WDR45: variants seen among roughly 807,000 people sequenced by gnomAD.
The protein encoded by WDR45 is WD repeat domain phosphoinositide-interacting protein 4.
WDR45 carries 2 observed loss-of-function variants against 27.3 expected under a neutral mutation model. That is an observed-to-expected ratio of 0.07 (90% confidence interval 0.03 to 0.23). WDR45 has a LOEUF of 0.23. Ranked by LOEUF, WDR45 falls within the 10% of genes least tolerant of loss-of-function variation. The pLI is 1.00. For missense variants in WDR45, 175 were observed against 311.9 expected (o/e 0.56, Z 3.31); for synonymous variants, 99 against 119.2 (o/e 0.83, Z 1.11).
intron 6 of WDR45, 199 bp downstream of exon 6, chrX:49,076,231 C>T: frequency 2.0e-6 from 1 of 508,322 alleles, no homozygotes. Flanking sequence ...CACTGGGGTA[C>T]CCAGGGGTGG....
At chrX:49,091,594 A>C (rs1396710178) in intron 2 of WDR45, among the ~76,000 whole-genome samples, 1 of 95,847 alleles carries the variant, frequency 1.0e-5, no homozygotes, top group African/African-American at 3.8e-5. Context: ...CTAAAAATAC[A>C]AAAAATTAGC....
At chrX:49,076,804 C>A in intron 4 of WDR45, 54 bp from the exon 5 acceptor site, 1 of 1,022,972 alleles carries the variant, frequency 9.8e-7, no homozygotes, top group Non-Finnish European at 1.4e-6. Context: ...AAGGGGCAGC[C>A]CTGGTGACAC....
intron 2 of WDR45, among the ~76,000 whole-genome samples, chrX:49,086,679 C>T (rs1309310902): frequency 4.5e-5 from 5 of 110,055 alleles, no homozygotes; most frequent in African/African-American, 3.3e-5. Context: ...CTGCAGCCTC[C>T]GTCTCCTGGG....
At chrX:49,095,618 G>A (rs2065122207) in intron 2 of WDR45, among the ~76,000 whole-genome samples, 1 of 107,702 alleles carries the variant, frequency 9.3e-6, no homozygotes, top group Non-Finnish European at 1.9e-5. Flanking sequence ...CCGCCACCAC[G>A]CCCAGCTAAT....
Position 49,094,819 on chromosome X carries a change from G to A in WDR45, c.-18+5386C>T, listed in dbSNP as rs192150413. ...TGAAATAATTCATAGGGCTGGGCAC[G>A]GTGGCTCAAGCCTGCAATCCCAGCA... is the stretch of plus-strand genomic sequence containing the variant. On this transcript the variant is annotated intron_variant, in intron 2 of 11. Transcript: ENST00000356463. Among the ~76,000 whole-genome samples the A allele has an allele frequency of 6.2e-4, 69 of 110,875 alleles. 3 individuals are homozygous for A. The South Asian group carries it at 0.015, about 24-fold the overall frequency.
chrX:49,085,573 A>C (rs2065083526), intron 2 of WDR45, among the ~76,000 whole-genome samples: 1 of 113,172 alleles, frequency 8.8e-6, no homozygotes, highest in Non-Finnish European at 1.9e-5. Flanking sequence ...AAAGATTACC[A>C]GGCATAAAAA....
chrX:49,088,621 G>C (rs782078000), intron 2 of WDR45, among the ~76,000 whole-genome samples: 1 of 112,207 alleles, frequency 8.9e-6, no homozygotes. Context: ...TTGCCTAACC[G>C]TTATCTGGTC....
intron 2 of WDR45, among the ~76,000 whole-genome samples, chrX:49,087,035 T>G (rs2065088557): frequency 9.1e-6 from 1 of 109,894 alleles, no homozygotes. Context: ...ATACTGTTTT[T>G]GTTTTTTTGT....
chrX:49,084,638 A>ATTT (rs113643905), upstream of WDR45, among the ~76,000 whole-genome samples: 259 of 98,366 alleles, frequency 2.6e-3, no homozygotes, highest in South Asian at 7.1e-3. Flanking sequence ...TGAAACAATG[A>ATTT]TTTTTTTTTT....
upstream of WDR45, among the ~76,000 whole-genome samples, chrX:49,084,775 C>T (rs1414281247): frequency 3.6e-5 from 4 of 109,854 alleles, no homozygotes; most frequent in African/African-American, 9.9e-5. Flanking sequence ...GCTGGGGTTA[C>T]GGGCACCTGC....
Position 49,074,477 on chromosome X carries a change from C to T in WDR45, c.*326G>A, listed in dbSNP as rs2065024890. 2.8e-6 allele frequency: 1 copy of T among 357,500 alleles called. No individual in the cohort carries two copies. Among genetic ancestry groups the T allele is most frequent in the Non-Finnish European group, 4.8e-6 (1 of 208,351 alleles). The allele number at this position is 357,500 out of a possible 1,213,427, so 29.5% of individuals were successfully genotyped here. A position where few individuals can be genotyped will look rare whatever the true frequency, so the allele number is the denominator to read the frequency against. On this transcript the variant is annotated 3_prime_UTR_variant, in exon 11 of 11. Coordinates refer to ENST00000376372, the MANE Select transcript of WDR45 (RefSeq NM_001029896.2). ...GGCCTTTTATTCGTATTCATCACAT[C>T]GGAGATCATCTCTTCCTAGGAAGCT...
intron 2 of WDR45, among the ~76,000 whole-genome samples, chrX:49,092,285 T>C (rs2065110255): frequency 9.1e-6 from 1 of 109,404 alleles, no homozygotes; most frequent in African/African-American, 3.3e-5. Context: ...CAAAGGGGCA[T>C]GAGGAAACTT....
At chrX:49,078,251 G>C (rs2065049297) in intron 1 of WDR45, 139 bp from the exon 2 acceptor site, 1 of 594,383 alleles carries the variant, frequency 1.7e-6, no homozygotes, top group Non-Finnish European at 2.6e-6. Flanking sequence ...GCCAGGCGTG[G>C]TGGCTTATGC....
At chrX:49,088,464 C>T (rs1325730361) in intron 2 of WDR45, among the ~76,000 whole-genome samples, 15 of 111,418 alleles carry the variant, frequency 1.3e-4, no homozygotes, top group African/African-American at 4.9e-4. Flanking sequence ...TTGTGGGGGA[C>T]CTTCAGGCTT....
At chrX:49,091,331 C>T (rs2065104465) in intron 2 of WDR45, among the ~76,000 whole-genome samples, 1 of 111,351 alleles carries the variant, frequency 9.0e-6, no homozygotes, top group Non-Finnish European at 1.9e-5. Context: ...ATCCCAGCTA[C>T]TTCAGAGGCT....
intron 6 of WDR45, chrX:49,076,151 A>G (rs1056616538): frequency 1.1e-5 from 5 of 466,611 alleles, no homozygotes; most frequent in Non-Finnish European, 1.9e-5. Flanking sequence ...GTAAGCTGCT[A>G]TCACAGCCCC....
upstream of WDR45, among the ~76,000 whole-genome samples, chrX:49,080,888 ATTTTTTTTT>A (rs782319738): frequency 4.5e-4 from 19 of 42,400 alleles, no homozygotes; most frequent in Non-Finnish European, 7.2e-4. Context: ...ACTGGAAGGA[ATTTTTTTTT>A]TTTTTTTTTT....
At chrX:49,100,219 T>C (rs1168675913) in exon 2 of WDR45, 2 of 110,474 alleles carry the variant, frequency 1.8e-5, no homozygotes, top group East Asian at 2.8e-4. Context: ...ATATAAAATG[T>C]AACAATTTCT....
At chrX:49,081,387 A>T (rs1212402530), upstream of WDR45, among the ~76,000 whole-genome samples, 2 of 107,680 alleles carry the variant, frequency 1.9e-5, no homozygotes, top group African/African-American at 6.7e-5. Context: ...AAAGTTAGCC[A>T]GGCATGGTGG....
Sources: allele counts gnomAD v4.1 joint callset (sites outside exome capture counted in the v4.1 genomes callset), GRCh38; gene constraint gnomAD v4.1.1; transcripts MANE v1.5; gene names NCBI Gene and HGNC (gene_info 2026-07-23, HGNC 2026-07-21).